Variants in TRIM37 observed in about 807,000 individuals in gnomAD.
TRIM37 encodes E3 ubiquitin-protein ligase TRIM37.
In TRIM37, 80 loss-of-function variants were observed where a neutral mutation model predicts 129.8. The observed-to-expected ratio is 0.62, with a 90% CI of 0.51 to 0.74. TRIM37 has a LOEUF of 0.74. Ranked by LOEUF, TRIM37 falls within the 30% of genes least tolerant of loss-of-function variation. The probability of loss-of-function intolerance (pLI) is 0.00; values close to 1 mark genes in which losing one functional copy is unlikely to be tolerated. For missense variants in TRIM37, 1,054 were observed against 1,176.5 expected (o/e 0.90, Z 1.52); for synonymous variants, 389 against 387.1 (o/e 1.00, Z -0.06).
chr17:59,071,666 TAC>T (rs146664956), intron 8 of TRIM37, among the ~76,000 whole-genome samples: 44 of 151,352 alleles, frequency 2.9e-4, no homozygotes, highest in African/African-American at 1.0e-3. Context: ...CACCCGTGTG[TAC>T]ACACACACAC....
intron 4 of TRIM37, among the ~76,000 whole-genome samples, chr17:59,084,974 T>C (rs1658439339): frequency 6.6e-6 from 1 of 152,176 alleles, no homozygotes; most frequent in Non-Finnish European, 1.5e-5. Context: ...TTAGCAGTAT[T>C]GTTATGAAAG....
rs748571422 is a variant in TRIM37, at chr17:59,075,618, C to T, written c.684+29G>A. 2.5e-5 allele frequency: 28 copies of T among 1,142,036 alleles called. No individual in the cohort carries two copies. The South Asian group carries it at 3.2e-4, about 13-fold the overall frequency. 70.7% of individuals were successfully genotyped at this position (1,142,036 alleles called of 1,614,324 possible). A position where few individuals can be genotyped will look rare whatever the true frequency, so the allele number is the denominator to read the frequency against. The stretch of plus-strand genomic sequence containing the variant: ...GTATACAGAGAAAAAAGGATAAAGA[C>T]TATTTCATTACATTTAATATTTCAT... On this transcript the variant is annotated intron_variant, in intron 8 of 23. Coordinates refer to ENST00000262294, the MANE Select transcript of TRIM37 (RefSeq NM_015294.6).
chr17:59,025,446 G>A (rs865863048), intron 19 of TRIM37, among the ~76,000 whole-genome samples: 2 of 150,942 alleles, frequency 1.3e-5, no homozygotes, highest in African/African-American at 2.4e-5. Context: ...AATATTCATG[G>A]ATGAATATTA....
intron 19 of TRIM37, among the ~76,000 whole-genome samples, chr17:59,021,118 G>A (rs1483057883): frequency 2.0e-5 from 3 of 152,190 alleles, no homozygotes; most frequent in Non-Finnish European, 2.9e-5. Context: ...TAGGTTGGGC[G>A]TGGTAGCTCA....
intron 11 of TRIM37, among the ~76,000 whole-genome samples, chr17:59,061,956 C>T (rs901662497): frequency 2.3e-4 from 35 of 151,720 alleles, no homozygotes; most frequent in Non-Finnish European, 4.9e-4. Context: ...ATAAATGACT[C>T]ATCAGCTAGG....
At chr17:59,102,367 A>G (rs907190252) in intron 2 of TRIM37, among the ~76,000 whole-genome samples, 1 of 152,236 alleles carries the variant, frequency 6.6e-6, no homozygotes, top group Non-Finnish European at 1.5e-5. Context: ...ACCTTCATCA[A>G]AAGAAATGCG....
At chr17:59,086,026 T>C (rs1267750487) in intron 4 of TRIM37, among the ~76,000 whole-genome samples, 1 of 152,102 alleles carries the variant, frequency 6.6e-6, no homozygotes, top group Admixed American at 6.6e-5. Flanking sequence ...TGCCAGGGGC[T>C]GGTGCGAAGA....
downstream of TRIM37, among the ~76,000 whole-genome samples, chr17:58,979,424 A>AT (rs1436718003): frequency 6.6e-6 from 1 of 152,212 alleles, no homozygotes; most frequent in East Asian, 1.9e-4. Context: ...GATTTATAAA[A>AT]TCTCGTGTAA....
At chr17:59,100,970 G>A (rs371682118) in intron 2 of TRIM37, among the ~76,000 whole-genome samples, 10 of 151,130 alleles carry the variant, frequency 6.6e-5, no homozygotes, top group African/African-American at 2.2e-4. Flanking sequence ...TGCAGTGAGC[G>A]GAGATCGCGT....
chr17:58,967,803 CT>C, the TRIM37 span, among the ~76,000 whole-genome samples: 314 of 137,950 alleles, frequency 2.3e-3, 5 homozygotes, highest in Admixed American at 4.3e-3. Context: ...TTCTTTATTT[CT>C]TTTTTTTTTT....
At chr17:59,090,791 AATTTT>A (rs2044229172) in intron 3 of TRIM37, among the ~76,000 whole-genome samples, 1 of 151,846 alleles carries the variant, frequency 6.6e-6, no homozygotes, top group Non-Finnish European at 1.5e-5. Flanking sequence ...ACGCCCAGCT[AATTTT>A]TGTATTTTTA....
intron 24 of TRIM37, among the ~76,000 whole-genome samples, chr17:58,990,487 T>A (rs1330314286): frequency 1.3e-5 from 2 of 148,416 alleles, no homozygotes; most frequent in African/African-American, 5.0e-5. Flanking sequence ...TGGGACTCTG[T>A]CTCAAAAGAA....
At chr17:59,092,667 G>A (rs892168471) in intron 2 of TRIM37, among the ~76,000 whole-genome samples, 1 of 152,124 alleles carries the variant, frequency 6.6e-6, no homozygotes, top group African/African-American at 2.4e-5. Flanking sequence ...AGGTTCAGAG[G>A]TAAATAACTA....
At chr17:58,997,787 A>T (rs150409889), downstream of TRIM37, among the ~76,000 whole-genome samples, 101 of 152,324 alleles carry the variant, frequency 6.6e-4, no homozygotes, top group African/African-American at 2.4e-3. Flanking sequence ...AAGTAGGACA[A>T]GCAGAGAGTG....
At chr17:59,010,175 G>C (rs1598867397) in intron 22 of TRIM37, among the ~76,000 whole-genome samples, 1 of 152,184 alleles carries the variant, frequency 6.6e-6, no homozygotes, top group African/African-American at 2.4e-5. Context: ...GAATTATTTA[G>C]TTCAACTATT....
At chr17:59,099,559 G>T (rs2045260293) in intron 2 of TRIM37, among the ~76,000 whole-genome samples, 1 of 151,818 alleles carries the variant, frequency 6.6e-6, no homozygotes, top group African/African-American at 2.4e-5. Context: ...CACAAAATGG[G>T]GGGCACTGAA....
chr17:59,048,526 C>A (rs2040031433), intron 15 of TRIM37, among the ~76,000 whole-genome samples: 1 of 152,194 alleles, frequency 6.6e-6, no homozygotes, highest in Admixed American at 6.5e-5. Context: ...CTACCGAATC[C>A]TAAATCAGTC....
intron 22 of TRIM37, among the ~76,000 whole-genome samples, chr17:59,005,946 A>G (rs1598838592): frequency 6.6e-6 from 1 of 152,258 alleles, no homozygotes; most frequent in South Asian, 2.1e-4. Context: ...GTTGACCTTA[A>G]CCTTTGATTC....
At chr17:59,072,770 T>C (rs2042494772) in intron 8 of TRIM37, among the ~76,000 whole-genome samples, 1 of 151,430 alleles carries the variant, frequency 6.6e-6, no homozygotes, top group African/African-American at 2.4e-5. Flanking sequence ...AAGTATCATA[T>C]ATCATATGAT....
Sources: allele counts gnomAD v4.1 joint callset (sites outside exome capture counted in the v4.1 genomes callset), GRCh38; gene constraint gnomAD v4.1.1; transcripts MANE v1.5; gene names NCBI Gene and HGNC (gene_info 2026-07-23, HGNC 2026-07-21).